PSPC1: variants seen among roughly 807,000 people sequenced by gnomAD.
PSPC1 encodes the protein paraspeckle protein 1.
PSPC1 carries 14 observed loss-of-function variants against 51.6 expected under a neutral mutation model. The ratio of observed to expected loss-of-function variants is 0.27; its 90% confidence interval spans 0.18 to 0.42. The LOEUF is 0.42. Among genes scored for constraint, PSPC1 ranks in the 10% least tolerant of loss-of-function variants. The pLI is 1.00. For synonymous variants in PSPC1, 193 were observed against 231.9 expected, an observed-to-expected ratio of 0.83 and a Z score of 1.53; for missense variants, 406 against 701.1, an observed-to-expected ratio of 0.58 and a Z score of 4.75.
chr13:19,745,923 A>C (rs917109734), intron 4 of PSPC1, among the ~76,000 whole-genome samples: 1 of 151,740 alleles, frequency 6.6e-6, no homozygotes, highest in Non-Finnish European at 1.5e-5. Flanking sequence ...TTCAGGCATG[A>C]CTGTTCTGTT....
chr13:19,755,220 G>A (rs889342147), intron 3 of PSPC1, among the ~76,000 whole-genome samples: 1 of 151,382 alleles, frequency 6.6e-6, no homozygotes, highest in African/African-American at 2.4e-5. Context: ...TGGGCAACAG[G>A]GCCAGACCCT....
At chr13:19,715,095 C>T (rs951698489) in intron 6 of PSPC1, among the ~76,000 whole-genome samples, 2 of 152,096 alleles carry the variant, frequency 1.3e-5, no homozygotes, top group Non-Finnish European at 2.9e-5. Flanking sequence ...TACAAGAAAG[C>T]GACTCTTAAC....
intron 7 of PSPC1, among the ~76,000 whole-genome samples, chr13:19,676,966 G>A (rs2137567096): frequency 6.6e-6 from 1 of 152,340 alleles, no homozygotes; most frequent in Non-Finnish European, 1.5e-5. Flanking sequence ...CGGGCACAGT[G>A]GCTCACGCCT....
chr13:19,718,254 C>T (rs948171895), intron 6 of PSPC1, among the ~76,000 whole-genome samples: 10 of 152,062 alleles, frequency 6.6e-5, no homozygotes, highest in African/African-American at 2.4e-4. Context: ...AAGACAATCT[C>T]TTTATATATA....
chr13:19,757,489 T>G (rs1887201330), intron 3 of PSPC1, among the ~76,000 whole-genome samples: 1 of 152,092 alleles, frequency 6.6e-6, no homozygotes, highest in African/African-American at 2.4e-5. Flanking sequence ...CCATAAAGAT[T>G]TATGAGGATC....
chr13:19,686,675 T>C (rs538201265), intron 6 of PSPC1, among the ~76,000 whole-genome samples: 2 of 152,310 alleles, frequency 1.3e-5, no homozygotes, highest in African/African-American at 4.8e-5. Context: ...TTCAAAAATA[T>C]AGTTTATGTA....
intron 6 of PSPC1, chr13:19,679,147 T>C (rs752514952): frequency 6.6e-6 from 1 of 152,220 alleles, no homozygotes; most frequent in Non-Finnish European, 1.5e-5. Context: ...TCTACTCTTG[T>C]ATGCAAGCTC....
At chr13:19,765,943 TA>T (rs1233476675) in intron 2 of PSPC1, among the ~76,000 whole-genome samples, 15 of 152,318 alleles carry the variant, frequency 9.8e-5, no homozygotes, top group African/African-American at 3.6e-4. Context: ...TAATCTCATT[TA>T]ATGGAAAGAT....
intron 1 of PSPC1, among the ~76,000 whole-genome samples, chr13:19,779,702 C>A (rs1237954268): frequency 8.6e-6 from 1 of 116,818 alleles, no homozygotes; most frequent in South Asian, 3.3e-4. Context: ...AGCCCCCCGC[C>A]CGGCCAGCCA....
chr13:19,721,032 C>CATAA (rs10628032), intron 6 of PSPC1, among the ~76,000 whole-genome samples: 120,789 of 151,610 alleles, frequency 0.8, 49,409 homozygotes, highest in East Asian at 0.96. Flanking sequence ...TAATACTGAA[C>CATAA]ATAGACATTA....
At chr13:19,738,606 G>A (rs771978311) in intron 5 of PSPC1, among the ~76,000 whole-genome samples, 1 of 152,136 alleles carries the variant, frequency 6.6e-6, no homozygotes, top group East Asian at 1.9e-4. Flanking sequence ...TATACTGCAC[G>A]GTTTAGAGAA....
intron 5 of PSPC1, among the ~76,000 whole-genome samples, chr13:19,736,677 C>T (rs1248593084): frequency 2.6e-5 from 4 of 151,936 alleles, no homozygotes; most frequent in Middle Eastern, 3.2e-3. Flanking sequence ...AGTGAGACTC[C>T]GTCTCGAAAA....
At chr13:19,734,997 C>CAAA (rs34384488) in intron 5 of PSPC1, among the ~76,000 whole-genome samples, 3 of 147,600 alleles carry the variant, frequency 2.0e-5, no homozygotes, top group South Asian at 2.1e-4. Flanking sequence ...AACAAACAAA[C>CAAA]AAACAAAAAA....
intron 6 of PSPC1, among the ~76,000 whole-genome samples, chr13:19,681,957 T>G (rs750969700): frequency 1.3e-5 from 2 of 152,214 alleles, no homozygotes. Flanking sequence ...AAGAATGTAT[T>G]TTCAACAGAC....
intron 6 of PSPC1, among the ~76,000 whole-genome samples, chr13:19,690,787 C>T (rs142584456): frequency 6.6e-6 from 1 of 152,320 alleles, no homozygotes; most frequent in Non-Finnish European, 1.5e-5. Context: ...TCCTATCTAT[C>T]CATTCCAACT....
chr13:19,691,657 G>A (rs1276249098), intron 6 of PSPC1, among the ~76,000 whole-genome samples: 1 of 152,044 alleles, frequency 6.6e-6, no homozygotes, highest in Non-Finnish European at 1.5e-5. Context: ...GTGAGTCATT[G>A]CCTGTAATCC....
At chr13:19,671,541 C>G (rs1876125639), downstream of PSPC1, among the ~76,000 whole-genome samples, 1 of 152,204 alleles carries the variant, frequency 6.6e-6, no homozygotes, top group Admixed American at 6.5e-5. Context: ...GAATCATGAT[C>G]TAGGCCTTGG....
At chr13:19,741,177 G>A (rs529588890) in intron 5 of PSPC1, among the ~76,000 whole-genome samples, 93 of 152,124 alleles carry the variant, frequency 6.1e-4, no homozygotes, top group South Asian at 2.5e-3. Flanking sequence ...CCCAGCCTCA[G>A]AAATCTTGTT....
intron 3 of PSPC1, among the ~76,000 whole-genome samples, chr13:19,754,800 G>C (rs750673282): frequency 6.4e-4 from 97 of 152,258 alleles, no homozygotes; most frequent in Non-Finnish European, 2.1e-4. Flanking sequence ...TGCCTATAAA[G>C]TCTATTCTTG....
Sources: allele counts gnomAD v4.1 joint callset (sites outside exome capture counted in the v4.1 genomes callset), GRCh38; gene constraint gnomAD v4.1.1; transcripts MANE v1.5; gene names NCBI Gene and HGNC (gene_info 2026-07-23, HGNC 2026-07-21).